CTNNA2: variants seen among roughly 807,000 people sequenced by gnomAD.
CTNNA2 encodes catenin alpha-2.
Under a neutral mutation model 101.0 loss-of-function variants are expected in CTNNA2, and 42 were observed. The observed-to-expected ratio is 0.42, with a 90% CI of 0.32 to 0.54. The LOEUF (loss-of-function observed/expected upper bound fraction) is 0.54, where lower values mean the gene tolerates loss of function less well. Among genes scored for constraint, CTNNA2 ranks in the 20% least tolerant of loss-of-function variants. The probability of loss-of-function intolerance (pLI) is 0.14; values close to 1 mark genes in which losing one functional copy is unlikely to be tolerated. For synonymous variants in CTNNA2, 450 were observed against 456.4 expected (o/e 0.99, Z 0.18); for missense variants, 871 against 1,223.1 (o/e 0.71, Z 4.29).
intron 4 of CTNNA2, among the ~76,000 whole-genome samples, chr2:79,865,788 C>T (rs1682035221): frequency 6.6e-6 from 1 of 152,220 alleles, no homozygotes; most frequent in Non-Finnish European, 1.5e-5. Flanking sequence ...GGCGCGATCT[C>T]GGCTCACTGC....
intron 2 of CTNNA2, among the ~76,000 whole-genome samples, chr2:79,660,437 A>G (rs1249479656): frequency 1.3e-5 from 2 of 151,686 alleles, no homozygotes; most frequent in African/African-American, 4.8e-5. Context: ...TGTGATTTAT[A>G]AATTTACCTG....
At chr2:79,892,237 C>T (rs1684361310) in intron 6 of CTNNA2, among the ~76,000 whole-genome samples, 4 of 152,046 alleles carry the variant, frequency 2.6e-5, no homozygotes, top group Admixed American at 2.6e-4. Flanking sequence ...TGTACCAGAG[C>T]TCCTGTAAGC....
At chr2:79,896,147 G>T (rs552739652) in intron 6 of CTNNA2, among the ~76,000 whole-genome samples, 1 of 152,254 alleles carries the variant, frequency 6.6e-6, no homozygotes, top group East Asian at 1.9e-4. Context: ...GCCAGGTGTG[G>T]TGCCATGTGC....
At chr2:80,184,764 G>A (rs1706004130) in intron 7 of CTNNA2, among the ~76,000 whole-genome samples, 1 of 151,314 alleles carries the variant, frequency 6.6e-6, no homozygotes, top group African/African-American at 2.4e-5. Flanking sequence ...ACAAACCTTG[G>A]CTCAGTCATT....
At chr2:79,451,055 G>A (rs975985744) in intron 4 of CTNNA2, among the ~76,000 whole-genome samples, 2 of 152,054 alleles carry the variant, frequency 1.3e-5, no homozygotes, top group South Asian at 2.1e-4. Flanking sequence ...GGAGGAAACC[G>A]GAGTAGTATG....
intron 6 of CTNNA2, among the ~76,000 whole-genome samples, chr2:79,895,695 T>TTA (rs1317374606): frequency 2.0e-5 from 3 of 149,058 alleles, no homozygotes; most frequent in Non-Finnish European, 4.5e-5. Flanking sequence ...TTTCTTAATT[T>TTA]TTTTTTTTTT....
chr2:79,405,964 A>G (rs768180801), intron 4 of CTNNA2, among the ~76,000 whole-genome samples: 1 of 152,062 alleles, frequency 6.6e-6, no homozygotes. Flanking sequence ...CCTCAGAAGA[A>G]TACTGAAAGA....
At chr2:79,993,111 C>T (rs1692296546) in intron 7 of CTNNA2, among the ~76,000 whole-genome samples, 1 of 152,184 alleles carries the variant, frequency 6.6e-6, no homozygotes, top group Non-Finnish European at 1.5e-5. Context: ...CAAACTCTTG[C>T]ATAATGTCAC....
intron 7 of CTNNA2, among the ~76,000 whole-genome samples, chr2:79,979,157 G>A (rs1691077130): frequency 6.6e-6 from 1 of 152,096 alleles, no homozygotes. Flanking sequence ...AGGCTAAGGT[G>A]GGAGGATCAC....
chr2:80,475,290 T>G (rs1685642058), intron 9 of CTNNA2, among the ~76,000 whole-genome samples: 1 of 152,192 alleles, frequency 6.6e-6, no homozygotes, highest in African/African-American at 2.4e-5. Context: ...CTGGGTTTTA[T>G]ATTTTGGCAT....
chr2:80,600,644 C>T (rs1054169060), intron 15 of CTNNA2, among the ~76,000 whole-genome samples: 5 of 152,026 alleles, frequency 3.3e-5, no homozygotes, highest in Admixed American at 2.6e-4. Context: ...TTTTAATAAC[C>T]ATCAGCTTGA....
At chr2:80,512,149 CAAAAAAAAAAAA>C (rs59359924) in intron 9 of CTNNA2, among the ~76,000 whole-genome samples, 1,658 of 73,620 alleles carry the variant, frequency 0.023, 46 homozygotes, top group African/African-American at 0.097. Flanking sequence ...CACTCTGTCT[CAAAAAAAAAAAA>C]AAAAAAAAAA....
At chr2:79,203,645 G>GT (rs906080386) in intron 2 of CTNNA2, among the ~76,000 whole-genome samples, 1 of 152,142 alleles carries the variant, frequency 6.6e-6, no homozygotes, top group Admixed American at 6.5e-5. Context: ...ATGCAAAAAT[G>GT]TTTTTTGCAC....
chr2:80,563,912 G>C (rs1463629930), intron 12 of CTNNA2, among the ~76,000 whole-genome samples: 1 of 152,002 alleles, frequency 6.6e-6, no homozygotes, highest in African/African-American at 2.4e-5. Flanking sequence ...TCTGTCTTCT[G>C]TCCATCTTAG....
At chr2:79,837,768 A>T (rs1679498933) in intron 3 of CTNNA2, among the ~76,000 whole-genome samples, 1 of 152,158 alleles carries the variant, frequency 6.6e-6, no homozygotes, top group Admixed American at 6.5e-5. Flanking sequence ...AAAAAAAATC[A>T]ACAGTTGGAA....
chr2:79,811,307 T>C (rs1437808649), intron 3 of CTNNA2, among the ~76,000 whole-genome samples: 1 of 152,224 alleles, frequency 6.6e-6, no homozygotes, highest in Non-Finnish European at 1.5e-5. Context: ...CATGTGTCTT[T>C]TGGCTGCATA....
chr2:80,132,639 TG>T (rs1702476175), intron 7 of CTNNA2, among the ~76,000 whole-genome samples: 1 of 152,142 alleles, frequency 6.6e-6, no homozygotes, highest in African/African-American at 2.4e-5. Flanking sequence ...AATTGGAGAA[TG>T]GGGGTGAGAG....
chr2:80,245,698 T>G (rs1671265824), intron 7 of CTNNA2, among the ~76,000 whole-genome samples: 1 of 152,050 alleles, frequency 6.6e-6, no homozygotes, highest in Admixed American at 6.6e-5. Flanking sequence ...AACTGTTTTC[T>G]GTCCTATTAA....
chr2:80,083,951 A>G (rs1699298868), intron 7 of CTNNA2, among the ~76,000 whole-genome samples: 1 of 152,088 alleles, frequency 6.6e-6, no homozygotes, highest in African/African-American at 2.4e-5. Flanking sequence ...GCTTTCCCAC[A>G]GAGAGGTAAT....
Sources: allele counts gnomAD v4.1 joint callset (sites outside exome capture counted in the v4.1 genomes callset), GRCh38; gene constraint gnomAD v4.1.1; transcripts MANE v1.5; gene names NCBI Gene and HGNC (gene_info 2026-07-23, HGNC 2026-07-21).